DCAF1: variants seen among roughly 807,000 people sequenced by gnomAD.
DCAF1 encodes DDB1- and CUL4-associated factor 1.
DCAF1 carries 15 observed loss-of-function variants against 128.0 expected under a neutral mutation model. The ratio of observed to expected loss-of-function variants is 0.12; its 90% CI spans 0.08 to 0.18. The LOEUF is 0.18. Ranked by LOEUF, DCAF1 falls within the 10% of genes least tolerant of loss-of-function variation. The pLI, the probability that DCAF1 is intolerant of heterozygous loss-of-function variation, is 1.00. For synonymous variants in DCAF1, 610 were observed against 603.0 expected (o/e 1.01, Z -0.17); for missense variants, 988 against 1,649.5 (o/e 0.60, Z 6.95).
At chr3:51,416,932 A>G (rs1698936403) in intron 17 of DCAF1, 61 bp from the exon 18 acceptor site, 6 of 1,552,378 alleles carry the variant, frequency 3.9e-6, no homozygotes, top group Non-Finnish European at 5.2e-6. Flanking sequence ...CCTGCAACCA[A>G]CTGAAACACA....
chr3:51,498,040 ACT>A (rs1708421300), intron 1 of DCAF1, among the ~76,000 whole-genome samples: 2 of 107,044 alleles, frequency 1.9e-5, no homozygotes, highest in South Asian at 6.7e-4. Flanking sequence ...ACACAGTGAG[ACT>A]CTGTCTCAAA....
In DCAF1 at chr3:51,433,320, C is replaced by T. The variant is rs1284037027; in HGVS notation, c.1129-56G>A. The T allele has an allele frequency of 7.5e-6, 3 of 398,110 alleles. No homozygotes were observed. The East Asian group carries it at 1.1e-4, about 14-fold the overall frequency. 24.7% of individuals were successfully genotyped at this position (398,110 alleles called of 1,614,324 possible). On this transcript the variant is annotated intron_variant, in intron 9 of 24. Coordinates refer to ENST00000684031, the MANE Select transcript of DCAF1 (RefSeq NM_001387579.1). ...ATAATCTAGAAAATTAACAAAATCT[C>T]TTGACCTAATATTCAGTTAAGCTGT...
At chr3:51,407,859 C>T (rs1577057651) in intron 23 of DCAF1, among the ~76,000 whole-genome samples, 1 of 151,806 alleles carries the variant, frequency 6.6e-6, no homozygotes, top group South Asian at 2.1e-4. Context: ...TGGTGGCAGG[C>T]GCCTACAATC....
chr3:51,497,605 T>A (rs539982542), intron 1 of DCAF1, among the ~76,000 whole-genome samples: 64 of 146,694 alleles, frequency 4.4e-4, no homozygotes, highest in Middle Eastern at 4.0e-3. Context: ...GAAAAAAAAA[T>A]TTTTTTTAAA....
intron 18 of DCAF1, among the ~76,000 whole-genome samples, chr3:51,416,517 G>A (rs1698893569): frequency 6.6e-6 from 1 of 152,204 alleles, no homozygotes. Flanking sequence ...GGTCCATAAA[G>A]GCAGGGGTTT....
chr3:51,491,717 G>A (rs552574581), intron 2 of DCAF1, among the ~76,000 whole-genome samples: 20 of 151,526 alleles, frequency 1.3e-4, no homozygotes, highest in Middle Eastern at 3.4e-3. Flanking sequence ...ATGGTGGCGC[G>A]CCTGTAACCC....
At chr3:51,439,321 G>T (rs1701143773) in intron 9 of DCAF1, among the ~76,000 whole-genome samples, 1 of 151,274 alleles carries the variant, frequency 6.6e-6, no homozygotes, top group South Asian at 2.1e-4. Flanking sequence ...TAGAGACCAG[G>T]TCTCCCATGT....
At chr3:51,469,396 A>G (rs1315867600) in intron 4 of DCAF1, among the ~76,000 whole-genome samples, 2 of 151,698 alleles carry the variant, frequency 1.3e-5, no homozygotes, top group South Asian at 2.1e-4. Context: ...ATGTCTGGCT[A>G]ATTTTGTATA....
chr3:51,453,547 G>A (rs1307991799), intron 6 of DCAF1, among the ~76,000 whole-genome samples: 4 of 152,016 alleles, frequency 2.6e-5, no homozygotes, highest in Non-Finnish European at 5.9e-5. Context: ...CAGGAGAATG[G>A]TTTGAGACAA....
chr3:51,400,188 A>T (rs1458759543), intron 24 of DCAF1, among the ~76,000 whole-genome samples: 1 of 152,214 alleles, frequency 6.6e-6, no homozygotes, highest in African/African-American at 2.4e-5. Flanking sequence ...CAAGATGGAG[A>T]TGGCAAAGAA....
intron 9 of DCAF1, among the ~76,000 whole-genome samples, chr3:51,437,664 A>G (rs1700976112): frequency 6.6e-6 from 1 of 151,996 alleles, no homozygotes; most frequent in Non-Finnish European, 1.5e-5. Context: ...AAATACAAAA[A>G]ATTAGCTGGG....
chr3:51,466,712 C>CT, intron 5 of DCAF1, 91 bp downstream of exon 5: 1 of 1,340,866 alleles, frequency 7.5e-7, no homozygotes, highest in Non-Finnish European at 1.0e-6. Context: ...TTGTCAAGGC[C>CT]TTAGGAGAAG....
intron 13 of DCAF1, among the ~76,000 whole-genome samples, chr3:51,425,369 G>A (rs1553633841): frequency 6.6e-6 from 1 of 151,884 alleles, no homozygotes; most frequent in Non-Finnish European, 1.5e-5. Flanking sequence ...CTACTTCAGA[G>A]ACTGAGGCAC....
At position 51,406,178 on chromosome 3, in the gene DCAF1, T is replaced by C. The variant is rs188264879; in HGVS notation, c.4213-2783A>G. 5.0e-4 allele frequency among the ~76,000 whole-genome samples: 76 copies of C among 151,100 alleles called. No individual in the cohort carries two copies. In the East Asian group the frequency reaches 0.013, roughly 26 times the overall value. Reference sequence around the variant, plus strand: ...CTAACACAGTGAAACCCCGTCTCTATTAAAAATACAAAAAATTTGCTGGGT... The same window carrying C: ...CTAACACAGTGAAACCCCGTCTCTACTAAAAATACAAAAAATTTGCTGGGT... On this transcript the variant is annotated intron_variant, in intron 23 of 24. Coordinates refer to ENST00000684031, the MANE Select transcript of DCAF1 (RefSeq NM_001387579.1).
intron 7 of DCAF1, among the ~76,000 whole-genome samples, chr3:51,442,297 A>G (rs767890556): frequency 2.0e-5 from 3 of 152,190 alleles, no homozygotes; most frequent in Non-Finnish European, 4.4e-5. Flanking sequence ...ATTCCATTAG[A>G]TATTGCCATG....
At chr3:51,491,402 A>G (rs914568963) in intron 2 of DCAF1, among the ~76,000 whole-genome samples, 10 of 152,160 alleles carry the variant, frequency 6.6e-5, no homozygotes, top group African/African-American at 2.4e-4. Flanking sequence ...AACTTGCTAC[A>G]AAACTATAGT....
At chr3:51,412,269 G>C in intron 23 of DCAF1, 110 bp downstream of exon 23, 2 of 1,474,582 alleles carry the variant, frequency 1.4e-6, no homozygotes, top group South Asian at 2.5e-5. Flanking sequence ...TATGAATGTG[G>C]CAACAGGTAG....
chr3:51,485,289 A>G (rs1449692247), intron 2 of DCAF1, among the ~76,000 whole-genome samples: 1 of 152,220 alleles, frequency 6.6e-6, no homozygotes, highest in Admixed American at 6.5e-5. Context: ...AAGGAACACT[A>G]TAAAACTCAT....
At chr3:51,433,810 G>A (rs1481092476) in intron 9 of DCAF1, among the ~76,000 whole-genome samples, 7 of 150,918 alleles carry the variant, frequency 4.6e-5, no homozygotes, top group African/African-American at 1.7e-4. Context: ...GCTGGGTGCA[G>A]TGGCTCACGC....
Sources: allele counts gnomAD v4.1 joint callset (sites outside exome capture counted in the v4.1 genomes callset), GRCh38; gene constraint gnomAD v4.1.1; transcripts MANE v1.5; gene names NCBI Gene and HGNC (gene_info 2026-07-23, HGNC 2026-07-21).